The following ATOSA variants were observed in gnomAD, a reference collection of about 807,000 sequenced individuals.
ATOSA encodes atos homolog A.
chr15:52,611,007 T>A, the ATOSA span: 1 of 1,188,364 alleles, frequency 8.4e-7, no homozygotes, highest in Non-Finnish European at 1.2e-6. Context: ...AAAACCTCAG[T>A]AAATTTTATC....
At chr15:52,672,020 C>A in the ATOSA span, among the ~76,000 whole-genome samples, 1 of 151,280 alleles carries the variant, frequency 6.6e-6, no homozygotes, top group African/African-American at 2.4e-5. Context: ...GCATTTTTTA[C>A]CTATTCCATC....
At chr15:52,591,075 C>T in the ATOSA span, among the ~76,000 whole-genome samples, 1 of 152,130 alleles carries the variant, frequency 6.6e-6, no homozygotes, top group Non-Finnish European at 1.5e-5. Context: ...TGCTGTCTTG[C>T]TTTTTAAAAG....
the ATOSA span, chr15:52,601,111 G>T: frequency 6.5e-7 from 1 of 1,538,676 alleles, no homozygotes. Flanking sequence ...CTTTTCAGAT[G>T]TAGTAATGAA....
the ATOSA span, among the ~76,000 whole-genome samples, chr15:52,633,254 G>T: frequency 3.3e-5 from 5 of 152,204 alleles, no homozygotes; most frequent in African/African-American, 1.2e-4. Context: ...GGCTGGTGGG[G>T]TGGCTAATTG....
the ATOSA span, among the ~76,000 whole-genome samples, chr15:52,703,373 G>T: frequency 1.3e-5 from 2 of 151,950 alleles, no homozygotes; most frequent in African/African-American, 4.8e-5. Context: ...TCACAAAAAT[G>T]GTCTTTAAAA....
At chr15:52,633,924 T>C in the ATOSA span, among the ~76,000 whole-genome samples, 4 of 151,920 alleles carry the variant, frequency 2.6e-5, no homozygotes, top group Admixed American at 1.3e-4. Flanking sequence ...TGCATAACAA[T>C]AGCATAAAGG....
chr15:52,609,876 G>A, the ATOSA span: 10 of 1,613,434 alleles, frequency 6.2e-6, no homozygotes, highest in Admixed American at 1.7e-5. Flanking sequence ...GGCGGTTAGA[G>A]ATACTGGAAT....
At chr15:52,627,798 G>A in the ATOSA span, among the ~76,000 whole-genome samples, 9 of 151,882 alleles carry the variant, frequency 5.9e-5, no homozygotes, top group East Asian at 3.9e-4. Flanking sequence ...GATTACATTC[G>A]TGTATGTTCC....
chr15:52,609,434 C>T, the ATOSA span: 1 of 1,613,556 alleles, frequency 6.2e-7, no homozygotes, highest in Non-Finnish European at 8.5e-7. Flanking sequence ...TCAATGTGCT[C>T]CAAGTGTTGA....
chr15:52,691,307 T>C, the ATOSA span, among the ~76,000 whole-genome samples: 6 of 152,332 alleles, frequency 3.9e-5, no homozygotes, highest in African/African-American at 1.4e-4. Context: ...TTGGTTGCTA[T>C]AGTACTGCTG....
the ATOSA span, chr15:52,677,874 G>A: frequency 7.6e-7 from 1 of 1,308,086 alleles, no homozygotes. Flanking sequence ...GCTGGAATCT[G>A]TCACAAAAAC....
At chr15:52,627,722 T>A in the ATOSA span, among the ~76,000 whole-genome samples, 4 of 152,162 alleles carry the variant, frequency 2.6e-5, no homozygotes, top group South Asian at 6.2e-4. Flanking sequence ...CTATGATTTT[T>A]AAAAACAATT....
chr15:52,675,294 G>A, the ATOSA span, among the ~76,000 whole-genome samples: 1 of 151,846 alleles, frequency 6.6e-6, no homozygotes, highest in Non-Finnish European at 1.5e-5. Context: ...TTTTTCTATT[G>A]GCTATCAGTT....
chr15:52,662,859 T>A, the ATOSA span, among the ~76,000 whole-genome samples: 1 of 151,934 alleles, frequency 6.6e-6, no homozygotes, highest in African/African-American at 2.4e-5. Context: ...ACACAAATCC[T>A]TCATATATTA....
chr15:52,589,293 G>T, the ATOSA span, among the ~76,000 whole-genome samples: 1 of 152,194 alleles, frequency 6.6e-6, no homozygotes, highest in South Asian at 2.1e-4. Context: ...ACATGAAAAA[G>T]ATATGGTATA....
the ATOSA span, chr15:52,601,173 CA>C: frequency 8.6e-6 from 13 of 1,503,310 alleles, no homozygotes; most frequent in Non-Finnish European, 1.2e-5. Flanking sequence ...AACCTAAGGT[CA>C]AAACGATCAT....
the ATOSA span, chr15:52,581,990 A>G: frequency 2.2e-5 from 12 of 558,008 alleles, no homozygotes; most frequent in Admixed American, 1.3e-4. Flanking sequence ...TCCAGTCTAC[A>G]TGGAATATAT....
chr15:52,609,163 TTTC>T, the ATOSA span: 31 of 1,613,564 alleles, frequency 1.9e-5, no homozygotes, highest in South Asian at 3.4e-4. Flanking sequence ...CTGACACTGA[TTTC>T]TTGTTTGATG....
chr15:52,600,183 A>G, the ATOSA span: 2 of 1,612,538 alleles, frequency 1.2e-6, no homozygotes, highest in South Asian at 1.1e-5. Flanking sequence ...GAACTCAAAA[A>G]TGGTTTTTCA....
Sources: gnomAD v4.1 joint callset for allele counts (sites outside exome capture counted in the v4.1 genomes callset) on GRCh38, gnomAD v4.1.1 for gene constraint, MANE v1.5 for transcripts, NCBI Gene and HGNC (gene_info 2026-07-23, HGNC 2026-07-21) for gene names.